DPP6: variants seen among roughly 807,000 people sequenced by gnomAD.
DPP6 encodes the protein A-type potassium channel modulatory protein DPP6.
A neutral mutation model predicts 122.6 loss-of-function variants in DPP6; 69 were observed. That is an observed-to-expected ratio of 0.56 (90% confidence interval 0.46 to 0.69). The LOEUF (loss-of-function observed/expected upper bound fraction) is 0.69. Among genes scored for constraint, DPP6 ranks in the 30% least tolerant of loss-of-function variants. DPP6 has a pLI of 0.00. For synonymous variants in DPP6, 418 were observed against 433.1 expected (o/e 0.97, Z 0.43); for missense variants, 928 against 1,116.9 (o/e 0.83, Z 2.41).
intron 1 of DPP6, among the ~76,000 whole-genome samples, chr7:154,354,707 A>AT (rs1199185423): frequency 1.6e-4 from 24 of 152,196 alleles, no homozygotes; most frequent in African/African-American, 5.5e-4. Flanking sequence ...GTCGCCTCAC[A>AT]TGTAGTACTG....
At chr7:153,880,908 TGGCA>T in the DPP6 span, among the ~76,000 whole-genome samples, 2 of 152,252 alleles carry the variant, frequency 1.3e-5, no homozygotes, top group African/African-American at 4.8e-5. Flanking sequence ...TAGTCTACTC[TGGCA>T]AAGTGAAACA....
intron 10 of DPP6, among the ~76,000 whole-genome samples, chr7:154,784,871 G>A (rs1026527701): frequency 6.6e-6 from 1 of 152,096 alleles, no homozygotes; most frequent in African/African-American, 2.4e-5. Flanking sequence ...TGAATGGGTG[G>A]GCATTATTAA....
intron 1 of DPP6, among the ~76,000 whole-genome samples, chr7:154,232,006 C>A (rs1479337448): frequency 6.6e-6 from 1 of 152,158 alleles, no homozygotes; most frequent in Non-Finnish European, 1.5e-5. Context: ...TGGGCAGGGA[C>A]TTACCCTCAA....
chr7:154,675,120 T>C (rs2131134623), intron 7 of DPP6, among the ~76,000 whole-genome samples: 2 of 152,266 alleles, frequency 1.3e-5, no homozygotes, highest in South Asian at 4.2e-4. Flanking sequence ...GTGCTGTGTT[T>C]TACTGCATGT....
chr7:153,752,345 GT>G, the DPP6 span, among the ~76,000 whole-genome samples: 1 of 149,534 alleles, frequency 6.7e-6, no homozygotes, highest in Non-Finnish European at 1.5e-5. Flanking sequence ...CACCTCCCAG[GT>G]TCAAGCGATT....
At chr7:154,562,664 G>A (rs1045751508) in intron 4 of DPP6, among the ~76,000 whole-genome samples, 1 of 152,052 alleles carries the variant, frequency 6.6e-6, no homozygotes, top group Non-Finnish European at 1.5e-5. Flanking sequence ...TATATACACA[G>A]GAAATATGAT....
intron 1 of DPP6, among the ~76,000 whole-genome samples, chr7:154,436,926 G>C (rs560034436): frequency 1.3e-5 from 2 of 152,282 alleles, no homozygotes; most frequent in South Asian, 2.1e-4. Context: ...ATTCTTTACT[G>C]TCTGATCTAT....
At chr7:154,825,108 C>G (rs1224237312) in intron 16 of DPP6, among the ~76,000 whole-genome samples, 1 of 152,158 alleles carries the variant, frequency 6.6e-6, no homozygotes, top group East Asian at 1.9e-4. Flanking sequence ...CGCAGGTGAC[C>G]AGTGAGTGGT....
At chr7:154,194,979 A>C (rs1798793017) in intron 1 of DPP6, among the ~76,000 whole-genome samples, 1 of 152,154 alleles carries the variant, frequency 6.6e-6, no homozygotes, top group South Asian at 2.1e-4. Context: ...AGAAAATAAA[A>C]TTCCTCATTT....
the DPP6 span, among the ~76,000 whole-genome samples, chr7:153,873,889 T>C: frequency 6.6e-6 from 1 of 152,172 alleles, no homozygotes; most frequent in African/African-American, 2.4e-5. Flanking sequence ...AGCTGACAGG[T>C]TGTGGATTTC....
At chr7:154,533,040 G>A (rs541905675) in intron 3 of DPP6, among the ~76,000 whole-genome samples, 2 of 152,088 alleles carry the variant, frequency 1.3e-5, no homozygotes, top group South Asian at 4.2e-4. Flanking sequence ...CAACCAACAG[G>A]CCTTGCTAAG....
At chr7:154,832,022 C>T (rs901360982) in intron 16 of DPP6, among the ~76,000 whole-genome samples, 5 of 152,248 alleles carry the variant, frequency 3.3e-5, no homozygotes, top group Non-Finnish European at 7.3e-5. Flanking sequence ...ATTCATCTTA[C>T]TGAGAAAGCA....
Position 154,701,447 on chromosome 7 carries a change from G to A in DPP6, c.763-26320G>A, listed in dbSNP as rs571085225. Among the ~76,000 whole-genome samples, 3 of 152,350 alleles carry A rather than the reference G, an allele frequency of 2.0e-5. No homozygotes were observed. In the South Asian group the frequency reaches 6.2e-4, roughly 32 times the overall value. On this transcript the variant is annotated intron_variant, in intron 7 of 25. Transcript: ENST00000377770. ...TTCTCCACGTGTTTTGATTTTGAAA[G>A]CTGAACATCCTTATCCATAGGCATT...
intron 1 of DPP6, among the ~76,000 whole-genome samples, chr7:154,247,192 A>G (rs910705500): frequency 6.6e-6 from 1 of 152,160 alleles, no homozygotes; most frequent in Non-Finnish European, 1.5e-5. Context: ...GTGTGCCTGT[A>G]GTTTCAGCTA....
chr7:154,879,705 T>TTG (rs1805215480), intron 20 of DPP6, among the ~76,000 whole-genome samples: 2 of 152,074 alleles, frequency 1.3e-5, no homozygotes, highest in East Asian at 1.9e-4. Flanking sequence ...TGAGCCACGA[T>TTG]CACGCCACTG....
At chr7:154,810,189 G>T (rs948935300) in intron 16 of DPP6, among the ~76,000 whole-genome samples, 2 of 152,164 alleles carry the variant, frequency 1.3e-5, no homozygotes, top group Non-Finnish European at 2.9e-5. Flanking sequence ...GCTTCCCTTT[G>T]GAGGTCACAG....
intron 5 of DPP6, among the ~76,000 whole-genome samples, chr7:154,589,755 C>T (rs1436598994): frequency 6.6e-6 from 1 of 152,196 alleles, no homozygotes; most frequent in Non-Finnish European, 1.5e-5. Context: ...TATTTGCAGA[C>T]AGCTCTCCTA....
chr7:153,852,437 GC>G, the DPP6 span, among the ~76,000 whole-genome samples: 3 of 151,960 alleles, frequency 2.0e-5, no homozygotes, highest in African/African-American at 7.3e-5. Context: ...AGTGGGAGCT[GC>G]CATACACTTT....
At chr7:154,673,355 A>G (rs2171610) in intron 7 of DPP6, among the ~76,000 whole-genome samples, 142,245 of 152,218 alleles carry the variant, frequency 0.93, 67,165 homozygotes, top group East Asian at 1. Context: ...TGGAGCCCCT[A>G]TATCACAGGT....
Sources: gnomAD v4.1 joint callset for allele counts (sites outside exome capture counted in the v4.1 genomes callset) on GRCh38, gnomAD v4.1.1 for gene constraint, MANE v1.5 for transcripts, NCBI Gene and HGNC (gene_info 2026-07-23, HGNC 2026-07-21) for gene names.